Variants in HTR2A observed in about 807,000 individuals in gnomAD.
HTR2A encodes the protein 5-HT2 receptor.
A neutral mutation model predicts 31.0 loss-of-function variants in HTR2A; 14 were observed. The ratio of observed to expected loss-of-function variants is 0.45; its 90% confidence interval spans 0.30 to 0.71. HTR2A has a LOEUF of 0.71. Ranked by LOEUF, HTR2A falls within the 30% of genes least tolerant of loss-of-function variation. The pLI, the probability that HTR2A is intolerant of heterozygous loss-of-function variation, is 0.09. For synonymous variants in HTR2A, 209 were observed against 225.2 expected (o/e 0.93, Z 0.64); for missense variants, 442 against 573.3 (o/e 0.77, Z 2.34).
At chr13:46,887,675 A>C (rs936762443) in intron 3 of HTR2A, among the ~76,000 whole-genome samples, 2 of 152,168 alleles carry the variant, frequency 1.3e-5, no homozygotes, top group Non-Finnish European at 2.9e-5. Flanking sequence ...TCTAGAACTA[A>C]AAGTGTAGGA....
At chr13:46,865,056 G>C (rs995460436) in intron 3 of HTR2A, among the ~76,000 whole-genome samples, 3 of 152,124 alleles carry the variant, frequency 2.0e-5, no homozygotes. Flanking sequence ...AACCCGAGCA[G>C]ATGTTAACAT....
At position 46,835,527 on chromosome 13, in the gene HTR2A, T is replaced by C; in HGVS notation, c.726A>G (p.Ser242=). The part of the protein sequence containing the change: ...DNFVLIGSFV[S]FFIPLTIMVI... The stretch of plus-strand genomic sequence containing the variant: ...CCATGATGGTTAAGGGAATGAAAAA[T>C]GACACAAAAGAGCCGATCAGGACAA... The change falls in exon 4 of 4, where the codon TCA becomes TCG. Residue 242 remains serine, a synonymous_variant. Transcript: ENST00000542664. The C allele has an allele frequency of 6.2e-7, 1 of 1,613,960 alleles. No individual in the cohort carries two copies. Among genetic ancestry groups the C allele is most frequent in the South Asian group, 1.1e-5 (1 of 91,084 alleles).
At chr13:46,855,235 AACC>A (rs1950724852) in intron 3 of HTR2A, among the ~76,000 whole-genome samples, 1 of 152,198 alleles carries the variant, frequency 6.6e-6, no homozygotes, top group Admixed American at 6.5e-5. Flanking sequence ...AGCCCTAGGA[AACC>A]AGTACACCCC....
chr13:46,854,724 C>G (rs1049585398), intron 3 of HTR2A, among the ~76,000 whole-genome samples: 2 of 152,094 alleles, frequency 1.3e-5, no homozygotes, highest in Admixed American at 1.3e-4. Context: ...GATGTGATAC[C>G]ATAATTAATA....
chr13:46,843,238 A>C (rs557606658), intron 3 of HTR2A, among the ~76,000 whole-genome samples: 1 of 152,298 alleles, frequency 6.6e-6, no homozygotes, highest in Non-Finnish European at 1.5e-5. Flanking sequence ...TTTTATTATT[A>C]ATGATTGTTA....
intron 3 of HTR2A, among the ~76,000 whole-genome samples, chr13:46,858,198 C>T (rs1950753955): frequency 6.6e-6 from 1 of 151,880 alleles, no homozygotes; most frequent in South Asian, 2.1e-4. Context: ...GGGAAGGGGA[C>T]GATTCAGTTT....
chr13:46,881,896 A>AT (rs1361779291), intron 3 of HTR2A, among the ~76,000 whole-genome samples: 10 of 151,844 alleles, frequency 6.6e-5, no homozygotes, highest in Non-Finnish European at 1.0e-4. Context: ...TTTTTCAAGC[A>AT]TTTTTTTTCC....
chr13:46,872,491 T>C (rs887929329), intron 3 of HTR2A, among the ~76,000 whole-genome samples: 5 of 152,230 alleles, frequency 3.3e-5, no homozygotes, highest in South Asian at 2.1e-4. Context: ...ATTCTAGAGT[T>C]GTATCAATTA....
intron 3 of HTR2A, among the ~76,000 whole-genome samples, chr13:46,841,876 A>G (rs1195639266): frequency 6.6e-6 from 1 of 152,050 alleles, no homozygotes; most frequent in Non-Finnish European, 1.5e-5. Context: ...TTCATCTACC[A>G]TTTCAGCCCC....
chr13:46,859,344 C>G (rs1950763411), intron 3 of HTR2A, among the ~76,000 whole-genome samples: 1 of 152,152 alleles, frequency 6.6e-6, no homozygotes, highest in Non-Finnish European at 1.5e-5. Context: ...TATCATGGCT[C>G]TACGTCCTGT....
At chr13:46,862,562 A>G (rs1451022239) in intron 3 of HTR2A, among the ~76,000 whole-genome samples, 2 of 152,208 alleles carry the variant, frequency 1.3e-5, no homozygotes, top group Non-Finnish European at 2.9e-5. Context: ...TGCCCCGCAT[A>G]AGAAACTCCA....
At chr13:46,840,562 T>C (rs1272063460) in intron 3 of HTR2A, among the ~76,000 whole-genome samples, 3 of 152,178 alleles carry the variant, frequency 2.0e-5, no homozygotes, top group Admixed American at 6.6e-5. Flanking sequence ...TTTACAGATA[T>C]GAAAACTTGG....
At chr13:46,880,548 A>G (rs1950951823) in intron 3 of HTR2A, among the ~76,000 whole-genome samples, 1 of 152,166 alleles carries the variant, frequency 6.6e-6, no homozygotes, top group African/African-American at 2.4e-5. Flanking sequence ...CAAAAAATGA[A>G]GCACTTCTGA....
At chr13:46,894,210 G>A (rs1030115928) in intron 2 of HTR2A, among the ~76,000 whole-genome samples, 1 of 152,164 alleles carries the variant, frequency 6.6e-6, no homozygotes, top group Non-Finnish European at 1.5e-5. Flanking sequence ...GGCTCCGGAG[G>A]GAACGGGCTG....
chr13:46,865,288 CAGCT>C lies in HTR2A; in HGVS notation c.613+27098_613+27101del, dbSNP rs141499012. Reference sequence around the variant, plus strand: ...GTAGATTGTCTTAAAAGTCATGTGTCAGCTAGCTGAGAAAGACTGCAAGTGATAG... The same window carrying C: ...GTAGATTGTCTTAAAAGTCATGTGTCAGCTGAGAAAGACTGCAAGTGATAG... On this transcript the variant is annotated intron_variant, in intron 3 of 3. Coordinates refer to ENST00000542664, the MANE Select transcript of HTR2A (RefSeq NM_000621.5). 2.1e-3 allele frequency among the ~76,000 whole-genome samples: 320 copies of C among 152,288 alleles called. 1 individual carries two copies. The highest frequency in any genetic ancestry group is 7.4e-3 in the African/African-American group (308 of 41,560).
intron 3 of HTR2A, among the ~76,000 whole-genome samples, chr13:46,843,078 T>A (rs985780028): frequency 6.6e-6 from 1 of 152,246 alleles, no homozygotes; most frequent in African/African-American, 2.4e-5. Flanking sequence ...ATGCTGCAGA[T>A]GCTCTGTGCC....
chr13:46,895,514 G>T lies in HTR2A; in HGVS notation c.393C>A (p.Ser131=). The change falls in exon 2 of 4, where the codon TCC becomes TCA. Residue 131 remains serine (S), a synonymous_variant. Coordinates refer to ENST00000542664, the MANE Select transcript of HTR2A (RefSeq NM_000621.5). The surrounding 1 kb of genome is among the most constrained non-coding windows in gnomAD (Gnocchi z 4.4). The part of the protein sequence containing the change: ...MLLGFLVMPV[S]MLTILYGYRW... ...ACTCACCATACAGGATGGTTAACAT[G>T]GACACGGGCATGACAAGGAAACCCA... 13 of 1,613,988 alleles carry T rather than the reference G, an allele frequency of 8.1e-6. No homozygotes were observed. Among genetic ancestry groups the T allele is most frequent in the Non-Finnish European group, 1.1e-5 (13 of 1,179,936 alleles).
At chr13:46,890,814 C>T (rs1025719431) in intron 3 of HTR2A, among the ~76,000 whole-genome samples, 1 of 152,108 alleles carries the variant, frequency 6.6e-6, no homozygotes, top group South Asian at 2.1e-4. Context: ...CTACTTATCA[C>T]GCTGACCACC....
chr13:46,895,938 TAGA>T lies in HTR2A; in HGVS notation c.-35_-33del, dbSNP rs1329968736. ...GCCAGAACTTGTAGCAGATGAGGTG[TAGA>T]AGGACTAACAGGTTATAGTTTCTGC... On this transcript the variant is annotated 5_prime_UTR_variant, in exon 2 of 4. Coordinates refer to ENST00000542664, the MANE Select transcript of HTR2A (RefSeq NM_000621.5). This position sits in a 1 kb window ranked among gnomAD's most constrained non-coding sequence, Gnocchi z 4.4. The T allele has an allele frequency of 1.3e-6, 2 of 1,576,966 alleles. No individual in the cohort carries two copies. The highest frequency in any genetic ancestry group is 2.7e-5 in the African/African-American group (2 of 74,014).
Sources: allele counts gnomAD v4.1 joint callset (sites outside exome capture counted in the v4.1 genomes callset), GRCh38; gene constraint gnomAD v4.1.1; non-coding constraint Gnocchi (gnomAD v3.1); transcripts MANE v1.5; gene names NCBI Gene and HGNC (gene_info 2026-07-23, HGNC 2026-07-21).